The following RALB variants were observed in gnomAD, a reference collection of about 807,000 sequenced individuals.
The protein encoded by RALB is RAS like proto-oncogene B, also known as ras-related protein Ral-B.
RALB carries 16 observed loss-of-function variants against 21.3 expected under a neutral mutation model. The ratio of observed to expected loss-of-function variants is 0.75; its 90% CI spans 0.51 to 1.14. The LOEUF (loss-of-function observed/expected upper bound fraction) is 1.14. Among genes scored for constraint, RALB ranks in the 50% most tolerant of loss-of-function variants. The pLI, the probability that RALB is intolerant of heterozygous loss-of-function variation, is 0.00. For missense variants in RALB, 161 were observed against 256.2 expected (o/e 0.63, Z 2.54); for synonymous variants, 93 against 96.1 (o/e 0.97, Z 0.19).
chr2:120,249,207 G>A (rs1214364454), upstream of RALB, among the ~76,000 whole-genome samples: 2 of 151,746 alleles, frequency 1.3e-5, no homozygotes, highest in Non-Finnish European at 2.9e-5. Context: ...TAATTTTTTT[G>A]TATTTTTAGT....
chr2:120,248,823 C>A (rs1223241161), upstream of RALB, among the ~76,000 whole-genome samples: 2 of 152,002 alleles, frequency 1.3e-5, no homozygotes, highest in Non-Finnish European at 2.9e-5. Context: ...AGGTGTGCAC[C>A]ACTGTCTGGC....
intron 1 of RALB, among the ~76,000 whole-genome samples, chr2:120,245,994 G>A (rs1052358914): frequency 6.6e-6 from 1 of 152,204 alleles, no homozygotes; most frequent in South Asian, 2.1e-4. Flanking sequence ...TCCTGGTGGA[G>A]CGAGGGTCTG....
intron 1 of RALB, among the ~76,000 whole-genome samples, chr2:120,277,353 G>GTA (rs5833826): frequency 0.53 from 77,216 of 144,332 alleles, 20,309 homozygotes; most frequent in Middle Eastern, 0.71. Flanking sequence ...ATGTGAACAT[G>GTA]TGTGTGAGAG....
At chr2:120,260,199 G>A (rs1256248698) in intron 1 of RALB, among the ~76,000 whole-genome samples, 3 of 152,258 alleles carry the variant, frequency 2.0e-5, no homozygotes, top group East Asian at 1.9e-4. Context: ...AGGGGTTCCC[G>A]CAGTGCAGTG....
At chr2:120,265,511 T>C (rs879269118) in intron 1 of RALB, among the ~76,000 whole-genome samples, 6 of 152,234 alleles carry the variant, frequency 3.9e-5, no homozygotes, top group Non-Finnish European at 5.9e-5. Context: ...TGCTCTGTGT[T>C]GCCTGCCTAT....
intron 1 of RALB, chr2:120,253,404 G>C (rs1171307782): frequency 8.7e-5 from 86 of 985,496 alleles, no homozygotes; most frequent in Non-Finnish European, 1.0e-4. Flanking sequence ...ACTTGCACGC[G>C]CCGTGAACTG....
intron 1 of RALB, among the ~76,000 whole-genome samples, chr2:120,277,284 C>T (rs541858157): frequency 2.3e-4 from 35 of 151,738 alleles, no homozygotes; most frequent in East Asian, 9.7e-4. Flanking sequence ...GGAGCATGTG[C>T]GAGAGCGTGT....
intron 1 of RALB, among the ~76,000 whole-genome samples, chr2:120,277,817 G>A (rs1435716262): frequency 4.7e-5 from 7 of 149,738 alleles, no homozygotes; most frequent in Non-Finnish European, 7.4e-5. Flanking sequence ...GCGTGTGAGA[G>A]CAAGTGTGTG....
chr2:120,269,549 G>A (rs921935615), intron 1 of RALB, among the ~76,000 whole-genome samples: 1 of 152,134 alleles, frequency 6.6e-6, no homozygotes, highest in Non-Finnish European at 1.5e-5. Flanking sequence ...ATTTTACAGT[G>A]TGCTGATTGG....
chr2:120,293,127 C>T lies in RALB; in HGVS notation c.502-14C>T, dbSNP rs1195151845. Reference sequence around the variant, plus strand: ...TCTTCACTATTCTTTTTACTCTTTACTCCTCACCCCCAGGTGTTCTTTGAC... The same window carrying T: ...TCTTCACTATTCTTTTTACTCTTTATTCCTCACCCCCAGGTGTTCTTTGAC... On this transcript the variant is annotated splice_polypyrimidine_tract_variant and intron_variant, in intron 4 of 4. Coordinates refer to ENST00000272519, the MANE Select transcript of RALB (RefSeq NM_002881.3). 1 of 1,593,762 alleles carries T rather than the reference C, an allele frequency of 6.3e-7. No individual in the cohort carries two copies.
At chr2:120,276,715 G>A (rs574990942) in intron 1 of RALB, among the ~76,000 whole-genome samples, 1 of 152,284 alleles carries the variant, frequency 6.6e-6, no homozygotes, top group Non-Finnish European at 1.5e-5. Flanking sequence ...TAGATGGGAT[G>A]GAAAACAACA....
intron 1 of RALB, among the ~76,000 whole-genome samples, chr2:120,259,433 T>G (rs1469364641): frequency 2.6e-5 from 4 of 152,202 alleles, no homozygotes; most frequent in African/African-American, 9.7e-5. Flanking sequence ...CCAGAGCAGC[T>G]AGATACAGAG....
intron 3 of RALB, among the ~76,000 whole-genome samples, chr2:120,287,846 C>T (rs1213840977): frequency 6.6e-6 from 1 of 152,220 alleles, no homozygotes; most frequent in Non-Finnish European, 1.5e-5. Context: ...GTAGGTTTCT[C>T]ATGTTGTTGG....
intron 1 of RALB, among the ~76,000 whole-genome samples, chr2:120,273,283 C>T (rs1689712075): frequency 1.3e-5 from 2 of 151,126 alleles, no homozygotes; most frequent in South Asian, 4.2e-4. Context: ...GAAAATGGTG[C>T]TTGTGCCCTT....
intron 1 of RALB, among the ~76,000 whole-genome samples, chr2:120,245,956 C>T (rs1021200095): frequency 7.9e-5 from 12 of 152,178 alleles, no homozygotes; most frequent in African/African-American, 2.2e-4. Flanking sequence ...CCCAGAGATG[C>T]GCATTTTAAT....
chr2:120,269,231 T>C (rs1689587952), intron 1 of RALB, among the ~76,000 whole-genome samples: 1 of 152,164 alleles, frequency 6.6e-6, no homozygotes, highest in Admixed American at 6.5e-5. Flanking sequence ...GTTCCCAAGA[T>C]GTATCCGGAG....
intron 1 of RALB, among the ~76,000 whole-genome samples, chr2:120,256,500 G>A (rs1689202212): frequency 6.6e-6 from 1 of 152,094 alleles, no homozygotes; most frequent in Non-Finnish European, 1.5e-5. Flanking sequence ...CTCCCATACT[G>A]TTCTCCTGAT....
intron 1 of RALB, among the ~76,000 whole-genome samples, chr2:120,267,001 G>A (rs1408794102): frequency 6.6e-6 from 1 of 152,108 alleles, no homozygotes; most frequent in Non-Finnish European, 1.5e-5. Flanking sequence ...GGATATCTAG[G>A]AAGGTGAGGA....
intron 1 of RALB, among the ~76,000 whole-genome samples, chr2:120,266,001 C>G (rs1462783641): frequency 6.6e-6 from 1 of 152,210 alleles, no homozygotes; most frequent in East Asian, 1.9e-4. Flanking sequence ...ATCCCAGATT[C>G]CATGGGTGGG....
Sources: allele counts gnomAD v4.1 joint callset (sites outside exome capture counted in the v4.1 genomes callset), GRCh38; gene constraint gnomAD v4.1.1; transcripts MANE v1.5; gene names NCBI Gene and HGNC (gene_info 2026-07-23, HGNC 2026-07-21).